The following GPAT4 variants were observed in gnomAD, a reference collection of about 807,000 sequenced individuals.
GPAT4 encodes the protein 1-AGP acyltransferase 6.
Under a neutral mutation model 58.0 loss-of-function variants are expected in GPAT4, and 17 were observed. The observed-to-expected ratio is 0.29, with a 90% CI of 0.20 to 0.44. GPAT4 has a LOEUF of 0.44. Ranked by LOEUF, GPAT4 falls within the 20% of genes least tolerant of loss-of-function variation. GPAT4 has a pLI of 1.00. For synonymous variants in GPAT4, 204 were observed against 210.1 expected, an observed-to-expected ratio of 0.97 and a Z score of 0.25; for missense variants, 377 against 574.5, an observed-to-expected ratio of 0.66 and a Z score of 3.51.
At chr8:41,610,405 C>G (rs965906001) in intron 4 of GPAT4, 1 of 1,242,368 alleles carries the variant, frequency 8.0e-7, no homozygotes, top group Non-Finnish European at 1.0e-6. Flanking sequence ...GTGCTTCCAC[C>G]GGGGTTTCCA....
intron 2 of GPAT4, among the ~76,000 whole-genome samples, chr8:41,600,055 C>CAA (rs1803044373): frequency 1.1e-5 from 1 of 95,066 alleles, no homozygotes; most frequent in Non-Finnish European, 2.1e-5. Flanking sequence ...TTTTTTTTTT[C>CAA]GAGACAAGAG....
chr8:41,594,754 C>T (rs939487495), intron 1 of GPAT4, among the ~76,000 whole-genome samples: 2 of 152,084 alleles, frequency 1.3e-5, no homozygotes, highest in Non-Finnish European at 2.9e-5. Flanking sequence ...ACCGTGTTAG[C>T]CAGGATGGTC....
At position 41,615,045 on chromosome 8, in the gene GPAT4, C is replaced by T; in HGVS notation, c.1050C>T (p.Ile350=). The change falls in exon 10 of 13, where the codon ATC becomes ATT. Residue 350 remains isoleucine (I), a synonymous_variant. Coordinates refer to ENST00000396987, the MANE Select transcript of GPAT4 (RefSeq NM_178819.4). The part of the protein sequence containing the change: ...EIGATVYPVA[I]KYDPQFGDAF... ...GAGCCACAGTTTACCCTGTTGCTAT[C>T]AAGGTATAAGACCTCCGATGGTACA... 1 of 1,612,302 alleles carries T rather than the reference C, an allele frequency of 6.2e-7. No individual in the cohort carries two copies. The highest frequency in any genetic ancestry group is 8.5e-7 in the Non-Finnish European group (1 of 1,178,330).
rs1343913348 is a variant in GPAT4 at position 41,618,761 on chromosome 8, C to G, written c.1131C>G (p.Thr377=). 1.9e-6 allele frequency: 3 copies of G among 1,614,268 alleles called. No homozygotes were observed. The highest frequency in any genetic ancestry group is 2.5e-6 in the Non-Finnish European group (3 of 1,180,056). The change falls in exon 11 of 13, where the codon ACC becomes ACG. Residue 377 remains threonine (T), a synonymous_variant. Transcript: ENST00000396987. The part of the protein sequence containing the change: ...GMVTYLLRMM[T]SWAIVCSVWY... ...TGACGTACCTGCTGCGAATGATGAC[C>G]AGCTGGGCCATTGTCTGCAGCGTGT...
At chr8:41,583,264 C>T (rs1004389638) in intron 1 of GPAT4, among the ~76,000 whole-genome samples, 2 of 151,816 alleles carry the variant, frequency 1.3e-5, no homozygotes, top group African/African-American at 2.4e-5. Context: ...AAATTGGTAA[C>T]TATAGTCATC....
At chr8:41,600,476 A>T (rs1178306800) in intron 2 of GPAT4, among the ~76,000 whole-genome samples, 1 of 152,274 alleles carries the variant, frequency 6.6e-6, no homozygotes, top group East Asian at 1.9e-4. Flanking sequence ...AAAGACTCAG[A>T]TTAAGTGAGC....
intron 12 of GPAT4, among the ~76,000 whole-genome samples, chr8:41,620,437 T>G (rs1423526441): frequency 6.6e-6 from 1 of 152,248 alleles, no homozygotes; most frequent in Non-Finnish European, 1.5e-5. Flanking sequence ...CCCCTTGTGT[T>G]AGCTCTCTGC....
intron 1 of GPAT4, among the ~76,000 whole-genome samples, chr8:41,596,787 A>G (rs140560295): frequency 6.6e-6 from 1 of 152,230 alleles, no homozygotes; most frequent in African/African-American, 2.4e-5. Flanking sequence ...GCCGCGGACA[A>G]GAACACCTCA....
intron 1 of GPAT4, among the ~76,000 whole-genome samples, chr8:41,596,335 A>T (rs953298518): frequency 6.6e-6 from 1 of 152,110 alleles, no homozygotes; most frequent in Non-Finnish European, 1.5e-5. Flanking sequence ...CAGAATCAAA[A>T]CCAAAATCAG....
chr8:41,615,407 T>G (rs1803567939), intron 10 of GPAT4, among the ~76,000 whole-genome samples: 1 of 146,290 alleles, frequency 6.8e-6, no homozygotes. Flanking sequence ...CACAGTGGTG[T>G]GGTTTTAAGC....
intron 2 of GPAT4, among the ~76,000 whole-genome samples, chr8:41,600,204 A>AT (rs1379895151): frequency 1.3e-5 from 2 of 150,672 alleles, no homozygotes; most frequent in African/African-American, 2.4e-5. Flanking sequence ...ACACCCGGCT[A>AT]TTTTTTCGTA....
rs746510734 is a variant in GPAT4 at position 41,612,230 on chromosome 8, C to T, written c.752C>T (p.Pro251Leu). Residue 251 changes from proline to leucine, a missense_variant, in exon 7 of 13, where the codon CCG becomes CTG. Transcript: ENST00000396987. Reference protein sequence around the residue: ...GGICVANHTSPIDVIILASDG... With the variant: ...GGICVANHTSLIDVIILASDG... The stretch of plus-strand genomic sequence containing the variant: ...ATCTGTGTGGCCAATCATACCTCAC[C>T]GATCGATGTGATCATCTTGGCCAGC... 3.1e-6 allele frequency: 5 copies of T among 1,614,112 alleles called. No individual in the cohort carries two copies. The highest frequency in any genetic ancestry group is 1.3e-5 in the African/African-American group (1 of 74,932).
chr8:41,595,006 C>T (rs1406450074), intron 1 of GPAT4, among the ~76,000 whole-genome samples: 3 of 151,986 alleles, frequency 2.0e-5, no homozygotes, highest in Admixed American at 6.5e-5. Flanking sequence ...CTGTCTAAGG[C>T]GACAAGATTA....
intron 2 of GPAT4, among the ~76,000 whole-genome samples, chr8:41,602,214 C>T (rs1306736457): frequency 2.0e-5 from 3 of 152,198 alleles, no homozygotes; most frequent in African/African-American, 7.2e-5. Context: ...CTCAGTCTTC[C>T]AAAGTGGTGC....
At chr8:41,601,530 GTGGTGTC>G (rs1335128476) in intron 2 of GPAT4, among the ~76,000 whole-genome samples, 52 of 152,298 alleles carry the variant, frequency 3.4e-4, no homozygotes, top group Admixed American at 2.9e-3. Context: ...GACACAGTGA[GTGGTGTC>G]TGGTGTCTAG....
rs145541554 is a variant in GPAT4, at chr8:41,616,265, T to C, written c.1053+1217T>C. ...CCTGCAGGGATTGTTTAAATGCAGA[T>C]TGCTGGGCCCCACACCCAGGGTTTC... On this transcript the variant is annotated intron_variant, in intron 10 of 12. Transcript: ENST00000396987. Among the ~76,000 whole-genome samples, 15 of 152,328 alleles carry C rather than the reference T, an allele frequency of 9.8e-5. No homozygotes were observed. The East Asian group carries it at 2.5e-3, about 25-fold the overall frequency.
chr8:41,611,839 C>A, intron 5 of GPAT4, 64 bp from the exon 6 acceptor site: 1 of 1,504,776 alleles, frequency 6.6e-7, no homozygotes, highest in South Asian at 1.1e-5. Flanking sequence ...CTGTTGAAGT[C>A]AGTAACTCTT....
At chr8:41,586,248 TTTC>T (rs1802652146) in intron 1 of GPAT4, among the ~76,000 whole-genome samples, 1 of 152,256 alleles carries the variant, frequency 6.6e-6, no homozygotes, top group Non-Finnish European at 1.5e-5. Flanking sequence ...GCGTGTATCA[TTTC>T]TTCATTTTTA....
chr8:41,596,292 G>A (rs1329322883), intron 1 of GPAT4, among the ~76,000 whole-genome samples: 1 of 151,982 alleles, frequency 6.6e-6, no homozygotes, highest in Non-Finnish European at 1.5e-5. Context: ...GGGTAAAAAG[G>A]GCACACACAC....
Sources: gnomAD v4.1 joint callset for allele counts (sites outside exome capture counted in the v4.1 genomes callset) on GRCh38, gnomAD v4.1.1 for gene constraint, MANE v1.5 for transcripts, NCBI Gene and HGNC (gene_info 2026-07-23, HGNC 2026-07-21) for gene names.